ROCK1: variants seen among roughly 807,000 people sequenced by gnomAD.
ROCK1 encodes the protein Rho associated coiled-coil containing protein kinase 1, also known as rho-associated protein kinase 1.
ROCK1 carries 36 observed loss-of-function variants against 196.8 expected under a neutral mutation model. The ratio of observed to expected loss-of-function variants is 0.18; its 90% CI spans 0.14 to 0.24. The LOEUF (loss-of-function observed/expected upper bound fraction) is 0.24, where lower values mean the gene tolerates loss of function less well. Among genes scored for constraint, ROCK1 ranks in the 10% least tolerant of loss-of-function variants. ROCK1 has a pLI of 1.00. For missense variants in ROCK1, 920 were observed against 1,562.0 expected, an observed-to-expected ratio of 0.59 and a Z score of 6.93; for synonymous variants, 443 against 515.9, an observed-to-expected ratio of 0.86 and a Z score of 1.91.
chr18:21,036,353 T>C (rs1269021529), intron 9 of ROCK1, among the ~76,000 whole-genome samples: 3 of 152,204 alleles, frequency 2.0e-5, no homozygotes, highest in Non-Finnish European at 4.4e-5. Context: ...GCCCACAAAC[T>C]ATAGGTTGAT....
intron 1 of ROCK1, among the ~76,000 whole-genome samples, chr18:21,094,687 T>C (rs1421037576): frequency 3.3e-5 from 5 of 150,926 alleles, no homozygotes; most frequent in Non-Finnish European, 5.9e-5. Context: ...AGGTCAATGC[T>C]GCAGTAAGCC....
chr18:20,964,256 A>C (rs1040756616), intron 27 of ROCK1, among the ~76,000 whole-genome samples: 4 of 152,282 alleles, frequency 2.6e-5, no homozygotes, highest in Non-Finnish European at 2.9e-5. Context: ...TTCTAAACTG[A>C]AGTAAAAATT....
At chr18:21,100,745 A>G (rs2036652650) in intron 1 of ROCK1, among the ~76,000 whole-genome samples, 1 of 152,104 alleles carries the variant, frequency 6.6e-6, no homozygotes, top group Admixed American at 6.6e-5. Context: ...GGAGGAGAAT[A>G]AGGGTAGGGG....
At chr18:21,090,984 G>A (rs544455823) in intron 1 of ROCK1, among the ~76,000 whole-genome samples, 58 of 151,838 alleles carry the variant, frequency 3.8e-4, no homozygotes, top group African/African-American at 1.4e-3. Flanking sequence ...GAAAATATCT[G>A]TTTTTCTGTA....
intron 18 of ROCK1, among the ~76,000 whole-genome samples, chr18:20,990,132 G>A (rs1481199385): frequency 1.3e-5 from 2 of 152,056 alleles, no homozygotes; most frequent in African/African-American, 2.4e-5. Context: ...TCAGGTTGCA[G>A]ATAATGCATT....
intron 5 of ROCK1, 90 bp from the exon 6 acceptor site, chr18:21,044,276 C>T: frequency 1.1e-6 from 1 of 881,482 alleles, no homozygotes; most frequent in Non-Finnish European, 1.8e-6. Context: ...GTCAAGCATC[C>T]TCAATCTAGG....
chr18:21,008,337 G>C (rs550014916), intron 13 of ROCK1, 143 bp from the exon 14 acceptor site: 393 of 569,720 alleles, frequency 6.9e-4, no homozygotes, highest in Admixed American at 9.8e-4. Flanking sequence ...AACGCAAATA[G>C]TATCTCCTAA....
intron 14 of ROCK1, 24 bp from the exon 15 acceptor site, chr18:21,006,814 T>C: frequency 2.2e-6 from 3 of 1,393,054 alleles, no homozygotes; most frequent in Non-Finnish European, 2.0e-6. Context: ...GAATAATATA[T>C]AGAAATTACA....
intron 26 of ROCK1, among the ~76,000 whole-genome samples, 194 bp downstream of exon 26, chr18:20,967,558 C>G (rs1190073806): frequency 6.6e-6 from 1 of 152,106 alleles, no homozygotes; most frequent in Non-Finnish European, 1.5e-5. Context: ...AAATAAGCTA[C>G]AATACTTCAA....
At chr18:20,985,397 T>A (rs1320301763) in intron 19 of ROCK1, among the ~76,000 whole-genome samples, 1 of 152,162 alleles carries the variant, frequency 6.6e-6, no homozygotes, top group Admixed American at 6.5e-5. Context: ...CTCCCTCACC[T>A]CACATTTCTT....
intron 1 of ROCK1, among the ~76,000 whole-genome samples, chr18:21,099,794 G>C (rs1167108056): frequency 1.3e-5 from 2 of 151,880 alleles, no homozygotes; most frequent in African/African-American, 4.8e-5. Context: ...CAACACTTTG[G>C]GAGGCTGAGG....
At position 21,018,896 on chromosome 18, in the gene ROCK1, T is replaced by C. The variant is rs113238616; in HGVS notation, c.1361+1255A>G. On this transcript the variant is annotated intron_variant, in intron 12 of 32. Transcript: ENST00000399799. Reference sequence around the variant, plus strand: ...AAACATAAATAATTATAAAAAATTATTGCTTATAATTGATAAGTAATTCAG... The same window carrying C: ...AAACATAAATAATTATAAAAAATTACTGCTTATAATTGATAAGTAATTCAG... Among the ~76,000 whole-genome samples, 106 of 152,312 alleles carry C rather than the reference T, an allele frequency of 7.0e-4. 1 individual carries two copies. Among genetic ancestry groups the C allele is most frequent in the African/African-American group, 2.4e-3 (99 of 41,578 alleles).
At position 21,006,688 on chromosome 18, in the gene ROCK1, G is replaced by GA; in HGVS notation, c.1638+10dup. On this transcript the variant is annotated intron_variant, in intron 15 of 32. Transcript: ENST00000399799. ...ATTTTTTTAAAAAGGAACCTCATTT[G>GA]AAACACTTACCTGCTTTTGTAACTG... is the stretch of plus-strand genomic sequence containing the variant. 5 of 1,588,764 alleles carry GA rather than the reference G, an allele frequency of 3.1e-6. No individual in the cohort carries two copies. Among genetic ancestry groups the GA allele is most frequent in the Non-Finnish European group, 4.3e-6 (5 of 1,172,796 alleles).
chr18:20,971,592 C>A (rs1006393949), intron 22 of ROCK1, among the ~76,000 whole-genome samples: 6 of 151,236 alleles, frequency 4.0e-5, no homozygotes, highest in Admixed American at 1.3e-4. Context: ...AAAAAATTAG[C>A]CAGGTGTGGT....
chr18:21,015,316 T>C, intron 13 of ROCK1, 115 bp downstream of exon 13: 2 of 729,776 alleles, frequency 2.7e-6, no homozygotes, highest in Non-Finnish European at 4.9e-6. Flanking sequence ...CACAATTCTC[T>C]GCTCTGTTTT....
chr18:21,075,159 T>C (rs776057569), intron 1 of ROCK1, among the ~76,000 whole-genome samples: 5 of 152,148 alleles, frequency 3.3e-5, no homozygotes, highest in African/African-American at 7.2e-5. Flanking sequence ...TTTAGTAGTC[T>C]GGCAATGATA....
chr18:21,110,688 G>T (rs2036743138), intron 1 of ROCK1, 130 bp downstream of exon 1: 1 of 760,902 alleles, frequency 1.3e-6, no homozygotes, highest in Admixed American at 2.2e-5. Flanking sequence ...AGATTCTTCA[G>T]GAAACAGAAA....
intron 1 of ROCK1, among the ~76,000 whole-genome samples, chr18:21,081,448 AATACT>A (rs1247313526): frequency 1.3e-5 from 2 of 152,132 alleles, no homozygotes; most frequent in Non-Finnish European, 2.9e-5. Context: ...AACCTAACTT[AATACT>A]ATAAGGAACT....
intron 2 of ROCK1, among the ~76,000 whole-genome samples, chr18:21,059,256 C>T (rs937173799): frequency 6.6e-6 from 1 of 152,102 alleles, no homozygotes; most frequent in African/African-American, 2.4e-5. Context: ...AATGACTTCC[C>T]CCACCACCTT....
Sources: allele counts gnomAD v4.1 joint callset (sites outside exome capture counted in the v4.1 genomes callset), GRCh38; gene constraint gnomAD v4.1.1; transcripts MANE v1.5; gene names NCBI Gene and HGNC (gene_info 2026-07-23, HGNC 2026-07-21).